Variants in GPR158 observed in about 807,000 individuals in gnomAD.
GPR158 encodes the protein metabotropic glycine receptor.
A neutral mutation model predicts 78.2 loss-of-function variants in GPR158; 30 were observed. The ratio of observed to expected loss-of-function variants is 0.38; its 90% confidence interval spans 0.29 to 0.52. The LOEUF (loss-of-function observed/expected upper bound fraction) is 0.52, where lower values mean the gene tolerates loss of function less well. Ranked by LOEUF, GPR158 falls within the 20% of genes least tolerant of loss-of-function variation. The pLI is 0.83. For missense variants in GPR158, 1,463 were observed against 1,523.5 expected, an observed-to-expected ratio of 0.96 and a Z score of 0.66; for synonymous variants, 581 against 591.1, an observed-to-expected ratio of 0.98 and a Z score of 0.25.
Position 25,582,065 on chromosome 10 carries a change from T to C in GPR158, c.1754-6942T>C, listed in dbSNP as rs1033185180. On this transcript the variant is annotated intron_variant, in intron 7 of 10. Transcript: ENST00000376351. ...GATCTCCTGAGACTTACCCCAAGAA[T>C]AGTATGGGGGAAACCACCCTCATGA... 2.0e-5 allele frequency among the ~76,000 whole-genome samples: 3 copies of C among 152,062 alleles called. No individual in the cohort carries two copies. In the East Asian group the frequency reaches 5.8e-4, roughly 29 times the overall value.
chr10:25,457,013 C>T (rs1405776171), intron 4 of GPR158, among the ~76,000 whole-genome samples: 1 of 151,972 alleles, frequency 6.6e-6, no homozygotes, highest in African/African-American at 2.4e-5. Context: ...CGCCCTGTCA[C>T]CTAGGCTGGA....
chr10:25,572,850 G>T lies in GPR158; in HGVS notation c.1716G>T (p.Met572Ile). ...GKTSDHLIFNMCLIDRWDYMT... is the reference protein window; with the variant it reads ...GKTSDHLIFNICLIDRWDYMT... ...CATCCGATCACCTCATCTTCAATAT[G>T]TGCCTCATTGACCGCTGGGACTACA... is the stretch of plus-strand genomic sequence containing the variant. The change falls in exon 7 of 11, where the codon ATG becomes ATT. Residue 572 changes from methionine (M) to isoleucine (I), a missense_variant. Coordinates refer to ENST00000376351, the MANE Select transcript of GPR158 (RefSeq NM_020752.3). 1 of 1,612,178 alleles carries T rather than the reference G, an allele frequency of 6.2e-7. No individual in the cohort carries two copies. Among genetic ancestry groups the T allele is most frequent in the African/African-American group, 1.3e-5 (1 of 74,986 alleles).
chr10:25,289,667 T>A (rs7075252), intron 2 of GPR158, among the ~76,000 whole-genome samples: 2 of 151,698 alleles, frequency 1.3e-5, no homozygotes, highest in East Asian at 1.9e-4. Flanking sequence ...TGATCCGCCC[T>A]CCTCTGCCTC....
chr10:25,376,375 T>A (rs1347311043), intron 2 of GPR158, among the ~76,000 whole-genome samples: 1 of 151,686 alleles, frequency 6.6e-6, no homozygotes, highest in Non-Finnish European at 1.5e-5. Flanking sequence ...TTTGATACAG[T>A]TAATGATGTA....
chr10:25,280,005 T>A, intron 2 of GPR158, among the ~76,000 whole-genome samples: 1 of 149,096 alleles, frequency 6.7e-6, no homozygotes, highest in African/African-American at 2.5e-5. Context: ...TACTTATGAA[T>A]TAGAGGAGAA....
chr10:25,241,372 CTCTCT>C (rs368885244), intron 2 of GPR158, among the ~76,000 whole-genome samples: 13,981 of 102,860 alleles, frequency 0.14, 1,093 homozygotes, highest in African/African-American at 0.17. Flanking sequence ...CTTTTCTTTT[CTCTCT>C]TCTCTTCTCT....
chr10:25,290,685 T>C (rs567789068), intron 2 of GPR158, among the ~76,000 whole-genome samples: 1 of 152,174 alleles, frequency 6.6e-6, no homozygotes, highest in East Asian at 1.9e-4. Context: ...GGTGGTCGTA[T>C]GTATCAGGCA....
intron 4 of GPR158, among the ~76,000 whole-genome samples, chr10:25,444,398 C>T (rs778772536): frequency 4.9e-5 from 7 of 144,144 alleles, no homozygotes; most frequent in East Asian, 2.0e-4. Flanking sequence ...ATGGGGGTGT[C>T]GTGTATGTGG....
At chr10:25,425,885 T>G (rs1588857616) in intron 4 of GPR158, among the ~76,000 whole-genome samples, 1 of 152,254 alleles carries the variant, frequency 6.6e-6, no homozygotes, top group South Asian at 2.1e-4. Flanking sequence ...AGATCAAGAT[T>G]GTGCTCTATT....
chr10:25,425,463 T>C (rs1161922572), intron 4 of GPR158, among the ~76,000 whole-genome samples: 1 of 151,782 alleles, frequency 6.6e-6, no homozygotes, highest in African/African-American at 2.4e-5. Context: ...TCATCGGCCA[T>C]TTGTATATCT....
At chr10:25,379,344 A>T (rs1042453608) in intron 2 of GPR158, among the ~76,000 whole-genome samples, 4 of 152,170 alleles carry the variant, frequency 2.6e-5, no homozygotes, top group Admixed American at 2.0e-4. Flanking sequence ...CCTATCTCTG[A>T]TAAGTAACTT....
intron 3 of GPR158, among the ~76,000 whole-genome samples, chr10:25,398,973 C>T (rs1200448930): frequency 2.0e-5 from 3 of 152,158 alleles, no homozygotes; most frequent in Admixed American, 2.0e-4. Flanking sequence ...AGAAGATGAG[C>T]AGTGGGTGAG....
At chr10:25,298,502 T>C (rs1017169030) in intron 2 of GPR158, among the ~76,000 whole-genome samples, 10 of 152,200 alleles carry the variant, frequency 6.6e-5, no homozygotes, top group African/African-American at 2.4e-4. Context: ...AATCAAAAAA[T>C]GGTGCTTTTG....
intron 5 of GPR158, among the ~76,000 whole-genome samples, chr10:25,469,162 G>A (rs1835460943): frequency 6.6e-6 from 1 of 152,070 alleles, no homozygotes; most frequent in Non-Finnish European, 1.5e-5. Flanking sequence ...AGTTCTTGTA[G>A]CTTTTCTTAA....
intron 2 of GPR158, among the ~76,000 whole-genome samples, chr10:25,358,521 G>A (rs1457966451): frequency 1.3e-5 from 2 of 152,010 alleles, no homozygotes; most frequent in African/African-American, 4.8e-5. Flanking sequence ...TGTCTCATGA[G>A]ATCTGATGCT....
At chr10:25,417,630 C>A (rs1348589385) in intron 4 of GPR158, among the ~76,000 whole-genome samples, 1 of 152,092 alleles carries the variant, frequency 6.6e-6, no homozygotes, top group Non-Finnish European at 1.5e-5. Context: ...GGTTCTATTA[C>A]CTATCAAGAA....
At chr10:25,389,971 T>A (rs1233874668) in intron 2 of GPR158, among the ~76,000 whole-genome samples, 4 of 152,220 alleles carry the variant, frequency 2.6e-5, no homozygotes, top group African/African-American at 4.8e-5. Flanking sequence ...TTTTCCATGC[T>A]GTTCTCATGA....
At chr10:25,328,183 G>GATAT (rs59393985) in intron 2 of GPR158, among the ~76,000 whole-genome samples, 4 of 151,818 alleles carry the variant, frequency 2.6e-5, no homozygotes, top group Non-Finnish European at 4.4e-5. Flanking sequence ...GAAATACATA[G>GATAT]ATATATATAG....
At chr10:25,339,016 CTTTCT>C (rs1446239160) in intron 2 of GPR158, among the ~76,000 whole-genome samples, 2 of 146,912 alleles carry the variant, frequency 1.4e-5, no homozygotes, top group Non-Finnish European at 3.0e-5. Flanking sequence ...TTCTTTCTTT[CTTTCT>C]TTTTTTTTTT....
Sources: allele counts gnomAD v4.1 joint callset (sites outside exome capture counted in the v4.1 genomes callset), GRCh38; gene constraint gnomAD v4.1.1; transcripts MANE v1.5; gene names NCBI Gene and HGNC (gene_info 2026-07-23, HGNC 2026-07-21).